Variants in SSX3 observed in about 807,000 individuals in gnomAD.
SSX3 encodes the protein SSX family member 3.
SSX3 carries 6 observed loss-of-function variants against 14.8 expected under a neutral mutation model. The ratio of observed to expected loss-of-function variants is 0.41; its 90% CI spans 0.22 to 0.80. The LOEUF is 0.80. Among genes scored for constraint, SSX3 ranks in the 30% least tolerant of loss-of-function variants. The pLI, the probability that SSX3 is intolerant of heterozygous loss-of-function variation, is 0.34. For synonymous variants in SSX3, 55 were observed against 52.9 expected (o/e 1.04, Z -0.18); for missense variants, 163 against 152.2 (o/e 1.07, Z -0.37).
At chrX:48,353,366 G>A (rs563446550) in intron 4 of SSX3, among the ~76,000 whole-genome samples, 3 of 111,281 alleles carry the variant, frequency 2.7e-5, no homozygotes, top group African/African-American at 9.8e-5. Flanking sequence ...GCTCACACTT[G>A]TAATCCCAGC....
intron 6 of SSX3, chrX:48,349,531 G>A (rs1556949137): frequency 2.5e-6 from 3 of 1,209,505 alleles, no homozygotes; most frequent in Non-Finnish European, 3.4e-6. Context: ...AACAATGTGT[G>A]TGACTCACTT....
intron 6 of SSX3, chrX:48,349,552 G>C: frequency 8.3e-7 from 1 of 1,209,766 alleles, no homozygotes; most frequent in Middle Eastern, 3.2e-4. Flanking sequence ...TATTGCAGTG[G>C]TCTGGAACCG....
chrX:48,351,209 T>A (rs1339923868), intron 5 of SSX3, among the ~76,000 whole-genome samples: 1 of 112,197 alleles, frequency 8.9e-6, no homozygotes, highest in African/African-American at 3.2e-5. Context: ...TTCACAATCC[T>A]TCTTTGAATT....
intron 5 of SSX3, among the ~76,000 whole-genome samples, chrX:48,350,789 T>C (rs78811379): frequency 1.9e-5 from 2 of 107,127 alleles, no homozygotes; most frequent in South Asian, 8.6e-4. Context: ...TTTTTTTTTT[T>C]GAGACGGAGT....
intron 6 of SSX3, 96 bp downstream of exon 6, chrX:48,349,891 C>T: frequency 1.7e-6 from 2 of 1,186,729 alleles, no homozygotes; most frequent in East Asian, 3.0e-5. Context: ...CAGCCTGGAC[C>T]CAGGGTTATC....
chrX:48,348,524 A>T (rs1556948987), intron 6 of SSX3: 2 of 477,317 alleles, frequency 4.2e-6, no homozygotes, highest in Admixed American at 6.1e-5. Flanking sequence ...TGAAAGGAAG[A>T]GTCGCATGCC....
chrX:48,350,418 G>C (rs1186441937), intron 5 of SSX3, among the ~76,000 whole-genome samples: 1 of 111,445 alleles, frequency 9.0e-6, no homozygotes, highest in Non-Finnish European at 1.9e-5. Flanking sequence ...AGATGATTTG[G>C]AGAAGAGTAG....
intron 2 of SSX3, 174 bp from the exon 3 acceptor site, chrX:48,354,920 T>A (rs782761687): frequency 3.7e-4 from 281 of 751,912 alleles, no homozygotes; most frequent in Admixed American, 1.9e-3. Flanking sequence ...CCTGCCACAC[T>A]GTCGGGCTTT....
chrX:48,353,894 CG>C (rs1556950394), intron 4 of SSX3, 104 bp downstream of exon 4: 5 of 866,351 alleles, frequency 5.8e-6, no homozygotes, highest in African/African-American at 4.0e-5. Context: ...CACTCTGCCC[CG>C]ATGTGTATGA....
At chrX:48,356,409 A>C (rs1261488727) in intron 1 of SSX3, among the ~76,000 whole-genome samples, 1 of 111,197 alleles carries the variant, frequency 9.0e-6, no homozygotes, top group African/African-American at 3.3e-5. Flanking sequence ...CCACCACCCC[A>C]GGCCCAAATT....
At chrX:48,350,811 G>A (rs782219776) in intron 5 of SSX3, among the ~76,000 whole-genome samples, 1 of 100,922 alleles carries the variant, frequency 9.9e-6, no homozygotes, top group African/African-American at 3.8e-5. Context: ...TTGCTGTGTC[G>A]CCAGAATGGG....
At chrX:48,348,764 C>A (rs1414370151) in intron 6 of SSX3, among the ~76,000 whole-genome samples, 1 of 112,484 alleles carries the variant, frequency 8.9e-6, no homozygotes, top group Non-Finnish European at 1.9e-5. Context: ...TGCCTTACTG[C>A]TCAAATAGAG....
intron 6 of SSX3, among the ~76,000 whole-genome samples, chrX:48,348,054 T>C (rs2061246253): frequency 8.9e-6 from 1 of 112,655 alleles, no homozygotes; most frequent in African/African-American, 3.2e-5. Flanking sequence ...TTTACTATTA[T>C]TACTAAAATT....
intron 4 of SSX3, among the ~76,000 whole-genome samples, chrX:48,352,690 C>A (rs1245683038): frequency 8.9e-6 from 1 of 112,127 alleles, no homozygotes; most frequent in East Asian, 2.8e-4. Flanking sequence ...TAGAATCTGG[C>A]CTGTTTAGTT....
chrX:48,349,796 T>G (rs1381003092), intron 6 of SSX3, 191 bp downstream of exon 6: 7 of 1,097,505 alleles, frequency 6.4e-6, no homozygotes, highest in Admixed American at 6.9e-5. Context: ...AGTCACGTGG[T>G]TTTTTTTTAT....
In SSX3 at chrX:48,350,598, G is replaced by A. The variant is rs781857516; in HGVS notation, c.331-476C>T. ...GAGATGAACACAAGGAAGGGAGAGG[G>A]AAATAAATGGCTTGCTGAAATTAAT... is the stretch of plus-strand genomic sequence containing the variant. On this transcript the variant is annotated intron_variant, in intron 5 of 7. Transcript: ENST00000298396. Among the ~76,000 whole-genome samples, 8 of 109,918 alleles carry A rather than the reference G, an allele frequency of 7.3e-5. No individual in the cohort carries two copies. In the East Asian group the frequency reaches 2.0e-3, roughly 28 times the overall value.
chrX:48,348,852 C>T (rs782320455), intron 6 of SSX3, among the ~76,000 whole-genome samples: 2 of 112,088 alleles, frequency 1.8e-5, no homozygotes, highest in East Asian at 5.6e-4. Context: ...AGAGCAAGAC[C>T]AGAACTCTCT....
chrX:48,351,929 A>G, intron 5 of SSX3, 171 bp downstream of exon 5: 1 of 562,478 alleles, frequency 1.8e-6, no homozygotes, highest in East Asian at 3.6e-5. Context: ...AGAGGTATGA[A>G]CAATCACAAA....
intron 6 of SSX3, chrX:48,349,608 T>A (rs2061253261): frequency 8.3e-7 from 1 of 1,207,001 alleles, no homozygotes; most frequent in Non-Finnish European, 1.1e-6. Flanking sequence ...TAACAGGCAT[T>A]GAGCTGAGTA....
Sources: allele counts gnomAD v4.1 joint callset (sites outside exome capture counted in the v4.1 genomes callset), GRCh38; gene constraint gnomAD v4.1.1; transcripts MANE v1.5; gene names NCBI Gene and HGNC (gene_info 2026-07-23, HGNC 2026-07-21).